ANKS1B: variants seen among roughly 807,000 people sequenced by gnomAD.
ANKS1B encodes the protein ankyrin repeat and sterile alpha motif domain-containing protein 1B.
A neutral mutation model predicts 148.3 loss-of-function variants in ANKS1B; 36 were observed. The observed-to-expected ratio is 0.24, with a 90% CI of 0.19 to 0.32. ANKS1B has a LOEUF of 0.32. Ranked by LOEUF, ANKS1B falls within the 10% of genes least tolerant of loss-of-function variation. The pLI is 1.00. For missense variants in ANKS1B, 1,157 were observed against 1,542.6 expected (o/e 0.75, Z 4.19); for synonymous variants, 542 against 560.8 (o/e 0.97, Z 0.47).
At position 99,374,118 on chromosome 12, in the gene ANKS1B, T is replaced by C. The variant is rs185458588; in HGVS notation, c.1756+25513A>G. ...AAAGAATGTGCTGATTGAGACTTTT[T>C]ATTGGAATAACTAGAATTTGACACA... On this transcript the variant is annotated intron_variant, in intron 12 of 26. Coordinates refer to ENST00000683438, the MANE Select transcript of ANKS1B (RefSeq NM_001352186.2). 2.3e-3 allele frequency among the ~76,000 whole-genome samples: 350 copies of C among 152,336 alleles called. 1 individual carries two copies. The highest frequency in any genetic ancestry group is 3.9e-3 in the Non-Finnish European group (263 of 68,026).
At position 99,758,609 on chromosome 12, in the gene ANKS1B, A is replaced by G. The variant is rs1222333804; in HGVS notation, c.1128+14313T>C. On this transcript the variant is annotated intron_variant, in intron 8 of 26. Coordinates refer to ENST00000683438, the MANE Select transcript of ANKS1B (RefSeq NM_001352186.2). ...ATACCTGCAAGATACTATTACTATTACTATTGTTACCATTTTTCAGATGAG... is the reference window on the plus strand; with the variant it reads ...ATACCTGCAAGATACTATTACTATTGCTATTGTTACCATTTTTCAGATGAG... Among the ~76,000 whole-genome samples the G allele has an allele frequency of 2.6e-5, 4 of 151,888 alleles. No individual in the cohort carries two copies. In the South Asian group the frequency reaches 6.2e-4, roughly 24 times the overall value.
chr12:99,646,877 A>G (rs1274187020), intron 9 of ANKS1B, among the ~76,000 whole-genome samples: 1 of 151,832 alleles, frequency 6.6e-6, no homozygotes, highest in Non-Finnish European at 1.5e-5. Context: ...TGTGATGTTT[A>G]AGGCTCTTTT....
intron 1 of ANKS1B, among the ~76,000 whole-genome samples, chr12:99,904,879 A>C (rs754602353): frequency 7.9e-5 from 12 of 152,302 alleles, no homozygotes; most frequent in Non-Finnish European, 1.5e-4. Context: ...TATTGTTACA[A>C]GTATTTCCTC....
downstream of ANKS1B, among the ~76,000 whole-genome samples, chr12:98,742,703 C>T (rs553231439): frequency 2.6e-5 from 4 of 152,364 alleles, no homozygotes; most frequent in African/African-American, 9.6e-5. Flanking sequence ...GGTCAAAAGG[C>T]CTGAGCAAGT....
intron 1 of ANKS1B, among the ~76,000 whole-genome samples, chr12:99,947,827 A>G (rs1603482541): frequency 2.0e-5 from 3 of 152,272 alleles, no homozygotes; most frequent in Admixed American, 2.0e-4. Context: ...TGAAGTCCCC[A>G]TTTCCTTGCT....
chr12:99,023,072 C>T (rs1021529686), intron 17 of ANKS1B, among the ~76,000 whole-genome samples: 1 of 151,826 alleles, frequency 6.6e-6, no homozygotes, highest in Admixed American at 6.6e-5. Context: ...GGGATAAATC[C>T]CCTTCTGTTT....
chr12:98,978,994 T>C (rs2099903560), intron 17 of ANKS1B, among the ~76,000 whole-genome samples: 1 of 151,518 alleles, frequency 6.6e-6, no homozygotes, highest in South Asian at 2.1e-4. Context: ...TGCAAAAAAT[T>C]AGCCAGGCGT....
intron 4 of ANKS1B, among the ~76,000 whole-genome samples, chr12:99,796,337 T>C (rs1490777742): frequency 2.6e-5 from 4 of 152,018 alleles, no homozygotes; most frequent in African/African-American, 9.7e-5. Flanking sequence ...TTTAATGTTT[T>C]CAGACCATGG....
intron 15 of ANKS1B, among the ~76,000 whole-genome samples, chr12:99,111,726 C>A (rs2060326692): frequency 6.6e-6 from 1 of 152,000 alleles, no homozygotes; most frequent in African/African-American, 2.4e-5. Flanking sequence ...TCATTTAATG[C>A]AGGAAGTGGG....
intron 16 of ANKS1B, among the ~76,000 whole-genome samples, chr12:99,073,936 C>A (rs553154187): frequency 6.6e-6 from 1 of 152,230 alleles, no homozygotes; most frequent in East Asian, 1.9e-4. Flanking sequence ...TTCCTTGGGG[C>A]AAGTCATTTA....
At chr12:99,774,390 A>G (rs1166250478) in intron 7 of ANKS1B, among the ~76,000 whole-genome samples, 1 of 152,118 alleles carries the variant, frequency 6.6e-6, no homozygotes, top group African/African-American at 2.4e-5. Context: ...GGTGCTCAAT[A>G]TCACTAATAA....
chr12:99,614,723 C>G (rs2097936619), intron 9 of ANKS1B, among the ~76,000 whole-genome samples: 1 of 151,922 alleles, frequency 6.6e-6, no homozygotes, highest in Non-Finnish European at 1.5e-5. Flanking sequence ...TATGTTTATA[C>G]TGAACCAAAT....
intron 8 of ANKS1B, among the ~76,000 whole-genome samples, chr12:99,749,208 C>T (rs1042273055): frequency 1.1e-4 from 17 of 152,114 alleles, no homozygotes; most frequent in African/African-American, 3.9e-4. Context: ...TTAATCAATA[C>T]ATCCATCTCT....
chr12:99,310,330 T>C (rs1425687522), intron 12 of ANKS1B, among the ~76,000 whole-genome samples: 3 of 152,162 alleles, frequency 2.0e-5, no homozygotes, highest in Non-Finnish European at 2.9e-5. Flanking sequence ...CCACAGGGTG[T>C]CCTGATATTT....
intron 9 of ANKS1B, among the ~76,000 whole-genome samples, chr12:99,560,731 T>G (rs182486124): frequency 6.6e-6 from 1 of 152,258 alleles, no homozygotes; most frequent in Non-Finnish European, 1.5e-5. Flanking sequence ...TTCAATTAGT[T>G]ATAATCTTTT....
intron 10 of ANKS1B, among the ~76,000 whole-genome samples, chr12:99,496,013 G>A (rs912406463): frequency 1.3e-5 from 2 of 152,190 alleles, no homozygotes; most frequent in African/African-American, 4.8e-5. Context: ...TTAGCAAATT[G>A]AACAGAGGTA....
At chr12:98,867,611 A>G (rs901134265) in intron 17 of ANKS1B, among the ~76,000 whole-genome samples, 1 of 152,208 alleles carries the variant, frequency 6.6e-6, no homozygotes, top group African/African-American at 2.4e-5. Context: ...CTGTAGTCCC[A>G]GCACTTTGGG....
chr12:99,325,250 G>A (rs1005988767), intron 12 of ANKS1B, among the ~76,000 whole-genome samples: 1 of 152,066 alleles, frequency 6.6e-6, no homozygotes, highest in Non-Finnish European at 1.5e-5. Context: ...AGTTTGAAAA[G>A]AGCCCCTATC....
chr12:99,234,229 T>A (rs1174438063), intron 14 of ANKS1B, among the ~76,000 whole-genome samples: 1 of 152,178 alleles, frequency 6.6e-6, no homozygotes, highest in Non-Finnish European at 1.5e-5. Flanking sequence ...TTAATTTCAT[T>A]GCCTGTCCCT....
Sources: gnomAD v4.1 joint callset for allele counts (sites outside exome capture counted in the v4.1 genomes callset) on GRCh38, gnomAD v4.1.1 for gene constraint, MANE v1.5 for transcripts, NCBI Gene and HGNC (gene_info 2026-07-23, HGNC 2026-07-21) for gene names.